Variants in BBX observed in about 807,000 individuals in gnomAD.
The protein encoded by BBX is HMG box transcription factor BBX.
In BBX, 30 loss-of-function variants were observed where a neutral mutation model predicts 100.2. The ratio of observed to expected loss-of-function variants is 0.30; its 90% CI spans 0.22 to 0.41. BBX has a LOEUF of 0.41. Ranked by LOEUF, BBX falls within the 10% of genes least tolerant of loss-of-function variation. The pLI, the probability that BBX is intolerant of heterozygous loss-of-function variation, is 1.00. For missense variants in BBX, 1,023 were observed against 1,129.8 expected (o/e 0.91, Z 1.35); for synonymous variants, 376 against 388.1 (o/e 0.97, Z 0.37).
intron 4 of BBX, among the ~76,000 whole-genome samples, chr3:107,712,660 A>G (rs1033762275): frequency 2.0e-5 from 3 of 152,150 alleles, no homozygotes; most frequent in African/African-American, 7.2e-5. Flanking sequence ...AGATTATTGT[A>G]TCTACCTCCC....
At chr3:107,667,476 A>C in intron 3 of BBX, among the ~76,000 whole-genome samples, 1 of 151,926 alleles carries the variant, frequency 6.6e-6, no homozygotes, top group Non-Finnish European at 1.5e-5. Flanking sequence ...AAATATTAAA[A>C]ATAAACTATA....
At chr3:107,794,909 T>C (rs1479427055) in intron 15 of BBX, among the ~76,000 whole-genome samples, 1 of 152,208 alleles carries the variant, frequency 6.6e-6, no homozygotes, top group African/African-American at 2.4e-5. Context: ...CGGTCTCTTA[T>C]TGCTACATTC....
chr3:107,534,635 T>C (rs1189240163), intron 2 of BBX, among the ~76,000 whole-genome samples: 1 of 152,190 alleles, frequency 6.6e-6, no homozygotes, highest in Non-Finnish European at 1.5e-5. Context: ...AAAGATCGAT[T>C]TGTAGTTTTT....
intron 3 of BBX, among the ~76,000 whole-genome samples, chr3:107,663,801 C>CT (rs869105091): frequency 7.2e-5 from 10 of 139,590 alleles, no homozygotes; most frequent in Non-Finnish European, 1.4e-4. Flanking sequence ...CTTTCTTTCT[C>CT]TTTTTTTTCC....
intron 2 of BBX, among the ~76,000 whole-genome samples, chr3:107,571,836 A>G (rs2051389897): frequency 6.6e-6 from 1 of 152,184 alleles, no homozygotes; most frequent in African/African-American, 2.4e-5. Flanking sequence ...TTATTCCTTT[A>G]AAAATCTGCT....
At chr3:107,529,309 C>T (rs2047993916) in intron 2 of BBX, among the ~76,000 whole-genome samples, 1 of 152,198 alleles carries the variant, frequency 6.6e-6, no homozygotes, top group Admixed American at 6.5e-5. Context: ...CATTGTTTAA[C>T]ATTTCACCAC....
chr3:107,629,875 A>AT (rs1028930264), intron 2 of BBX, among the ~76,000 whole-genome samples: 5 of 151,940 alleles, frequency 3.3e-5, no homozygotes, highest in Non-Finnish European at 7.4e-5. Context: ...CTCCAACACC[A>AT]TTTTTTTTAA....
At chr3:107,603,324 C>G (rs1157421290) in intron 2 of BBX, among the ~76,000 whole-genome samples, 1 of 152,052 alleles carries the variant, frequency 6.6e-6, no homozygotes, top group Non-Finnish European at 1.5e-5. Flanking sequence ...TGGTACAGAT[C>G]CATCTTTTGT....
chr3:107,777,265 C>T (rs1182305149), intron 12 of BBX, among the ~76,000 whole-genome samples: 3 of 152,120 alleles, frequency 2.0e-5, no homozygotes, highest in East Asian at 1.9e-4. Flanking sequence ...GAGTATATCC[C>T]CCCTCCAGTA....
chr3:107,793,841 C>T (rs2069314183), intron 15 of BBX, among the ~76,000 whole-genome samples: 1 of 152,100 alleles, frequency 6.6e-6, no homozygotes, highest in Non-Finnish European at 1.5e-5. Flanking sequence ...TGTGTACAGG[C>T]ACCTTGCAAT....
intron 15 of BBX, among the ~76,000 whole-genome samples, chr3:107,797,364 A>ATG (rs71113691): frequency 0.037 from 4,016 of 109,836 alleles, 595 homozygotes; most frequent in South Asian, 0.11. Context: ...ATATATATAT[A>ATG]GCTTTATTGC....
chr3:107,766,496 AGAAG>A (rs1315567483), intron 10 of BBX, among the ~76,000 whole-genome samples: 3 of 152,186 alleles, frequency 2.0e-5, no homozygotes, highest in Non-Finnish European at 4.4e-5. Flanking sequence ...AAGAAACAAG[AGAAG>A]GCAAACTATG....
chr3:107,527,503 C>G (rs1327033581), intron 2 of BBX, among the ~76,000 whole-genome samples: 1 of 152,132 alleles, frequency 6.6e-6, no homozygotes, highest in African/African-American at 2.4e-5. Context: ...AGTTAGAGGA[C>G]TAGACCTTTC....
intron 2 of BBX, among the ~76,000 whole-genome samples, chr3:107,627,266 A>C (rs1156566477): frequency 6.6e-6 from 1 of 152,224 alleles, no homozygotes; most frequent in African/African-American, 2.4e-5. Flanking sequence ...CTGTTTGATT[A>C]GTGTGTTTCC....
chr3:107,675,572 G>A (rs897400267), intron 3 of BBX, among the ~76,000 whole-genome samples: 7 of 152,072 alleles, frequency 4.6e-5, no homozygotes, highest in Non-Finnish European at 1.0e-4. Flanking sequence ...TAATACCGTC[G>A]TTTGTGTCTG....
intron 9 of BBX, among the ~76,000 whole-genome samples, chr3:107,751,399 T>C (rs1440856325): frequency 6.6e-6 from 1 of 152,242 alleles, no homozygotes; most frequent in Non-Finnish European, 1.5e-5. Flanking sequence ...CAAACTCTTT[T>C]AACACTGGGA....
rs910191828 is a variant in BBX, at chr3:107,805,860, A to T, written c.*403A>T. 5 of 196,924 alleles carry T rather than the reference A, an allele frequency of 2.5e-5. No homozygotes were observed. The highest frequency in any genetic ancestry group is 1.2e-4 in the African/African-American group (5 of 43,292). The allele number at this position is 196,924 out of a possible 1,614,324, so 12.2% of individuals were successfully genotyped here. ...TCTTTCAAAACAAAACAAAAAAAAA[A>T]CAAAAACTGACGCACTGCACTAGTT... On this transcript the variant is annotated 3_prime_UTR_variant, in exon 18 of 18. Coordinates refer to ENST00000325805, the MANE Select transcript of BBX (RefSeq NM_001142568.3).
At chr3:107,682,896 T>TA (rs1166268209) in intron 3 of BBX, among the ~76,000 whole-genome samples, 9 of 152,168 alleles carry the variant, frequency 5.9e-5, no homozygotes, top group Non-Finnish European at 1.5e-5. Flanking sequence ...ATTGATCTGA[T>TA]ACCTCAGAAG....
chr3:107,639,609 C>A (rs189781389), intron 2 of BBX, among the ~76,000 whole-genome samples: 115 of 152,252 alleles, frequency 7.6e-4, no homozygotes, highest in African/African-American at 2.5e-3. Context: ...CTCATTGATA[C>A]AATTCATAGG....
Sources: gnomAD v4.1 joint callset for allele counts (sites outside exome capture counted in the v4.1 genomes callset) on GRCh38, gnomAD v4.1.1 for gene constraint, MANE v1.5 for transcripts, NCBI Gene and HGNC (gene_info 2026-07-23, HGNC 2026-07-21) for gene names.